MED12L: variants seen among roughly 807,000 people sequenced by gnomAD.
MED12L encodes mediator complex subunit 12L.
A neutral mutation model predicts 281.3 loss-of-function variants in MED12L; 60 were observed. The ratio of observed to expected loss-of-function variants is 0.21; its 90% CI spans 0.17 to 0.26. MED12L has a LOEUF of 0.26. MED12L is among the 10% of genes least tolerant of loss of function. The pLI is 1.00. For synonymous variants in MED12L, 974 were observed against 987.2 expected, an observed-to-expected ratio of 0.99 and a Z score of 0.25; for missense variants, 2,146 against 2,680.9, an observed-to-expected ratio of 0.80 and a Z score of 4.41.
chr3:151,151,031 C>CTTTTTTTTTTTTTT (rs573419924), intron 5 of MED12L, among the ~76,000 whole-genome samples: 879 of 32,878 alleles, frequency 0.027, 339 homozygotes, highest in East Asian at 0.054. Context: ...GCTGAAGTAG[C>CTTTTTTTTTTTTTT]TTTTTTTTTT....
rs1490207985 is a variant in MED12L, at chr3:151,433,709, C to A, written c.*905C>A. On this transcript the variant is annotated 3_prime_UTR_variant, in exon 45 of 45. Transcript: ENST00000687756. ...GTAGCTGGCTTGAGATTCCAGTGCTCACACTTGACATGGTTTCCAGAGAAT... is the reference window on the plus strand; with the variant it reads ...GTAGCTGGCTTGAGATTCCAGTGCTAACACTTGACATGGTTTCCAGAGAAT... 6.6e-6 allele frequency: 1 copy of A among 152,616 alleles called. No homozygotes were observed. Among genetic ancestry groups the A allele is most frequent in the Non-Finnish European group, 1.5e-5 (1 of 68,050 alleles). 9.5% of individuals were successfully genotyped at this position (152,616 alleles called of 1,614,324 possible).
intron 16 of MED12L, among the ~76,000 whole-genome samples, chr3:151,309,580 T>G (rs923552177): frequency 3.3e-5 from 5 of 152,212 alleles, no homozygotes; most frequent in Admixed American, 6.5e-5. Context: ...TTAGGCAAGC[T>G]CCCTATACCG....
intron 1 of MED12L, among the ~76,000 whole-genome samples, 175 bp downstream of exon 1, chr3:151,086,111 C>G (rs1020077733): frequency 6.6e-6 from 1 of 152,180 alleles, no homozygotes; most frequent in Non-Finnish European, 1.5e-5. Context: ...AAGTCGGCCC[C>G]ACGCCACCGT....
chr3:151,322,584 C>T (rs1369674784), intron 16 of MED12L, among the ~76,000 whole-genome samples: 1 of 152,082 alleles, frequency 6.6e-6, no homozygotes, highest in African/African-American at 2.4e-5. Flanking sequence ...CAAACTGGAG[C>T]TCACCCCACT....
Position 151,436,447 on chromosome 3 carries a change from A to G in MED12L, c.*3643A>G, listed in dbSNP as rs1040056580. The G allele has an allele frequency of 1.3e-5, 5 of 376,746 alleles. No individual in the cohort carries two copies. Among genetic ancestry groups the G allele is most frequent in the Non-Finnish European group, 2.4e-5 (5 of 210,830 alleles). The allele number at this position is 376,746 out of a possible 1,614,324, so 23.3% of individuals were successfully genotyped here. The stretch of plus-strand genomic sequence containing the variant: ...TAGTGAACCGTTTCAATGTTTGTTT[A>G]TTGTTATTTGTTGGCAAAATAAAAG... On this transcript the variant is annotated 3_prime_UTR_variant, in exon 45 of 45. Coordinates refer to ENST00000687756, the MANE Select transcript of MED12L (RefSeq NM_001393769.1).
chr3:151,329,618 C>G (rs1383759575), intron 16 of MED12L: 3 of 852,266 alleles, frequency 3.5e-6, no homozygotes, highest in Non-Finnish European at 5.6e-6. Context: ...TAATGTGACC[C>G]ATTAGAACCT....
intron 16 of MED12L, among the ~76,000 whole-genome samples, chr3:151,204,757 C>G (rs1041527007): frequency 6.6e-6 from 1 of 152,152 alleles, no homozygotes; most frequent in African/African-American, 2.4e-5. Context: ...ATGATTTTAC[C>G]ATGGCATGGA....
chr3:151,302,968 A>G (rs1170900524), intron 16 of MED12L, among the ~76,000 whole-genome samples: 1 of 152,194 alleles, frequency 6.6e-6, no homozygotes, highest in Non-Finnish European at 1.5e-5. Flanking sequence ...GGAAGCAAGG[A>G]TTACAGAGGT....
chr3:151,364,874 G>A, intron 21 of MED12L, 105 bp from the exon 22 acceptor site: 1 of 767,594 alleles, frequency 1.3e-6, no homozygotes, highest in Non-Finnish European at 2.2e-6. Flanking sequence ...ATCTTCTCTA[G>A]GAATGCATTA....
Position 151,411,356 on chromosome 3 carries a change from G to A in MED12L, c.5989G>A (p.Val1997Ile), listed in dbSNP as rs770950804. ...QTSQQQAGSV[V>I]LSPSYNSRAY... ...ATCGCAGCAGCAGGCTGGCAGTGTG[G>A]TCCTGTCTCCCAGCTATAACTCCAG... is the stretch of plus-strand genomic sequence containing the variant. The change falls in exon 41 of 45, where the codon GTC becomes ATC. Residue 1997 changes from valine (V) to isoleucine (I), a missense_variant. By Grantham distance (29) the Val-to-Ile change is conservative. This residue lies in a region of MED12L where 496 missense variants were observed against 512.0 expected (regional missense o/e 0.97). Transcript: ENST00000687756. The A allele has an allele frequency of 6.2e-7, 1 of 1,614,192 alleles. No individual in the cohort carries two copies. Among genetic ancestry groups the A allele is most frequent in the East Asian group, 2.2e-5 (1 of 44,874 alleles).
At chr3:151,107,343 G>T (rs1470481628) in intron 2 of MED12L, among the ~76,000 whole-genome samples, 1 of 152,032 alleles carries the variant, frequency 6.6e-6, no homozygotes, top group Non-Finnish European at 1.5e-5. Flanking sequence ...CAGGTCAAAG[G>T]CCACCTTTTC....
chr3:151,256,008 C>T (rs560465162), intron 16 of MED12L, among the ~76,000 whole-genome samples: 1 of 152,154 alleles, frequency 6.6e-6, no homozygotes, highest in African/African-American at 2.4e-5. Context: ...TCTCTTTTTA[C>T]TATGACAGGC....
At chr3:151,293,378 C>T (rs368520908) in intron 16 of MED12L, among the ~76,000 whole-genome samples, 3 of 152,242 alleles carry the variant, frequency 2.0e-5, no homozygotes, top group Admixed American at 6.5e-5. Flanking sequence ...GCGTCTCCCA[C>T]GAGGCATTTA....
chr3:151,390,704 T>C (rs539776671), intron 38 of MED12L, among the ~76,000 whole-genome samples: 1 of 152,350 alleles, frequency 6.6e-6, no homozygotes, highest in Non-Finnish European at 1.5e-5. Context: ...AAACATTGCA[T>C]GTTTTAGCAT....
At chr3:151,248,342 A>G (rs1169624194) in intron 16 of MED12L, among the ~76,000 whole-genome samples, 2 of 152,166 alleles carry the variant, frequency 1.3e-5, no homozygotes, top group South Asian at 2.1e-4. Flanking sequence ...AATATTTTAG[A>G]GAAGACATCA....
At chr3:151,167,373 G>C (rs1720855974) in intron 11 of MED12L, among the ~76,000 whole-genome samples, 1 of 152,146 alleles carries the variant, frequency 6.6e-6, no homozygotes, top group Non-Finnish European at 1.5e-5. Flanking sequence ...TAAGTTTTAA[G>C]ACACCTTCAA....
intron 3 of MED12L, among the ~76,000 whole-genome samples, chr3:151,117,794 A>G (rs1174869425): frequency 6.6e-6 from 1 of 151,910 alleles, no homozygotes; most frequent in Admixed American, 6.6e-5. Context: ...TGTTTATCTT[A>G]TCAATTAGGA....
intron 11 of MED12L, among the ~76,000 whole-genome samples, chr3:151,175,739 A>G: frequency 6.6e-6 from 1 of 152,176 alleles, no homozygotes; most frequent in Non-Finnish European, 1.5e-5. Flanking sequence ...AATCTTTCAG[A>G]TTTGTGCCTG....
rs1000315069 is a variant in MED12L at position 151,258,027 on chromosome 3, T to C, written c.2250+64361T>C. Among the ~76,000 whole-genome samples the C allele has an allele frequency of 1.8e-4, 27 of 152,236 alleles. 1 individual carries two copies. Among genetic ancestry groups the C allele is most frequent in the Admixed American group, 1.7e-3 (26 of 15,284 alleles). On this transcript the variant is annotated intron_variant, in intron 16 of 44. Coordinates refer to ENST00000687756, the MANE Select transcript of MED12L (RefSeq NM_001393769.1). ...TCAATTTTTCTGGCATAAAGCTGTA[T>C]TTATTTTTGATATTCCTGATTAGTA... is the stretch of plus-strand genomic sequence containing the variant.
Sources: allele counts gnomAD v4.1 joint callset (sites outside exome capture counted in the v4.1 genomes callset), GRCh38; gene constraint gnomAD v4.1.1; regional missense constraint gnomAD v4.1.1; transcripts MANE v1.5; gene names NCBI Gene and HGNC (gene_info 2026-07-23, HGNC 2026-07-21).